The following COL6A6 variants were observed in gnomAD, a reference collection of about 807,000 sequenced individuals.
COL6A6 encodes collagen type VI alpha 6 chain, also known as collagen alpha-6(VI) chain.
Under a neutral mutation model 208.6 loss-of-function variants are expected in COL6A6, and 183 were observed. The observed-to-expected ratio is 0.88, with a 90% CI of 0.78 to 0.99. The LOEUF is 0.99. Among genes scored for constraint, COL6A6 ranks in the 50% least tolerant of loss-of-function variants. The pLI is 0.00. For missense variants in COL6A6, 2,816 were observed against 2,815.2 expected (o/e 1.00, Z -0.01); for synonymous variants, 973 against 1,011.8 (o/e 0.96, Z 0.73).
At chr3:130,551,137 G>A (rs898051608) in intron 1 of COL6A6, among the ~76,000 whole-genome samples, 1 of 149,864 alleles carries the variant, frequency 6.7e-6, no homozygotes, top group African/African-American at 2.4e-5. Context: ...TTTTCTGTGT[G>A]TGTGTATGTC....
rs201325545 is a variant in COL6A6, at chr3:130,661,866, C to T, written c.6060C>T (p.Phe2020=). ...VALLSHAPPD[F]LPNTQKSPVR... ...TATTGAGCCATGCTCCCCCCGACTT[C>T]CTACCCAACACTCAGAAGAGTCCAG... The change falls in exon 35 of 37, where the codon TTC becomes TTT. Residue 2020 remains phenylalanine (F), a synonymous_variant. Coordinates refer to ENST00000358511, the MANE Select transcript of COL6A6 (RefSeq NM_001102608.3). 1,305 of 1,613,966 alleles carry T rather than the reference C, an allele frequency of 8.1e-4. 3 individuals are homozygous for T. Among genetic ancestry groups the T allele is most frequent in the South Asian group, 2.1e-3 (187 of 91,072 alleles).
intron 23 of COL6A6, among the ~76,000 whole-genome samples, chr3:130,614,973 T>C (rs533853206): frequency 3.9e-5 from 6 of 152,222 alleles, no homozygotes; most frequent in Admixed American, 3.9e-4. Context: ...TTTGTTGATC[T>C]TCTGTATGAT....
intron 19 of COL6A6, among the ~76,000 whole-genome samples, chr3:130,599,258 T>C (rs545853301): frequency 3.3e-5 from 5 of 152,358 alleles, no homozygotes; most frequent in Admixed American, 2.0e-4. Flanking sequence ...GACTCATAAA[T>C]TATTGCATAC....
chr3:130,586,358 G>T, intron 10 of COL6A6, 148 bp from the exon 11 acceptor site: 1 of 626,516 alleles, frequency 1.6e-6, no homozygotes, highest in Non-Finnish European at 2.7e-6. Flanking sequence ...CACTTGTCAG[G>T]TTTACATCAT....
At chr3:130,545,232 T>C (rs2062462355) in intron 1 of COL6A6, among the ~76,000 whole-genome samples, 1 of 152,218 alleles carries the variant, frequency 6.6e-6, no homozygotes, top group Admixed American at 6.5e-5. Flanking sequence ...TTTCATTCTT[T>C]TGCATGTGGA....
Position 130,563,258 on chromosome 3 carries a change from AGGCAGGAGCCCCAT to A in COL6A6, c.257_270del (p.Gly86AlafsTer52). ...GTGAATTCCACCTGAGCACCTTCAAAGGCAGGAGCCCCATGCTGAACCACCTAAGGAAGAACTTT... is the reference window on the plus strand; with the variant it reads ...GTGAATTCCACCTGAGCACCTTCAAAGCTGAACCACCTAAGGAAGAACTTT... On this transcript the variant is annotated frameshift_variant, in exon 3 of 37. Transcript: ENST00000358511. LOFTEE classifies it high-confidence loss of function. 6.2e-7 allele frequency: 1 copy of A among 1,614,050 alleles called. No homozygotes were observed. Among genetic ancestry groups the A allele is most frequent in the Non-Finnish European group, 8.5e-7 (1 of 1,179,894 alleles).
chr3:130,541,904 A>C (rs2062372309), intron 1 of COL6A6, among the ~76,000 whole-genome samples: 2 of 152,206 alleles, frequency 1.3e-5, no homozygotes, highest in South Asian at 4.1e-4. Context: ...GTGTCTTTCA[A>C]GGAATTGGTC....
At chr3:130,638,933 A>G (rs1576375750) in intron 28 of COL6A6, among the ~76,000 whole-genome samples, 1 of 152,142 alleles carries the variant, frequency 6.6e-6, no homozygotes, top group Non-Finnish European at 1.5e-5. Context: ...TTTCCTGGGC[A>G]TTAGGTAGGT....
At chr3:130,585,907 C>T (rs2063529502) in intron 10 of COL6A6, among the ~76,000 whole-genome samples, 1 of 152,162 alleles carries the variant, frequency 6.6e-6, no homozygotes, top group South Asian at 2.1e-4. Context: ...CAGGTGATGC[C>T]AGTGCTGCTG....
At chr3:130,656,667 G>C (rs1364396641) in intron 33 of COL6A6, among the ~76,000 whole-genome samples, 1 of 152,196 alleles carries the variant, frequency 6.6e-6, no homozygotes, top group African/African-American at 2.4e-5. Flanking sequence ...TTTCCACACA[G>C]AGGCCTGTCT....
chr3:130,670,948 G>A (rs556546811), intron 36 of COL6A6, among the ~76,000 whole-genome samples: 5 of 152,170 alleles, frequency 3.3e-5, no homozygotes, highest in East Asian at 3.9e-4. Context: ...TTCCAGTGTC[G>A]CCCAGGGAAG....
chr3:130,544,763 A>T (rs1458449324), intron 1 of COL6A6, among the ~76,000 whole-genome samples: 3 of 151,982 alleles, frequency 2.0e-5, no homozygotes, highest in Admixed American at 6.6e-5. Context: ...TGTGGTTTTG[A>T]TTTGCATTTC....
chr3:130,601,085 C>G (rs1050974929), intron 20 of COL6A6, among the ~76,000 whole-genome samples: 7 of 152,096 alleles, frequency 4.6e-5, no homozygotes, highest in African/African-American at 1.7e-4. Context: ...GAAGAGATAA[C>G]TTTAATAAAA....
chr3:130,614,357 G>A lies in COL6A6; in HGVS notation c.4815+3646G>A, dbSNP rs112735742. Among the ~76,000 whole-genome samples, 608 of 152,224 alleles carry A rather than the reference G, an allele frequency of 4.0e-3. 1 individual carries two copies. The highest frequency in any genetic ancestry group is 6.4e-3 in the Non-Finnish European group (436 of 68,008). On this transcript the variant is annotated intron_variant, in intron 23 of 36. Coordinates refer to ENST00000358511, the MANE Select transcript of COL6A6 (RefSeq NM_001102608.3). ...ACCAACCTTGCATCCCAGAGATAAGGCCTACTTGATTGTGGTGAATTAGCT... is the reference window on the plus strand; with the variant it reads ...ACCAACCTTGCATCCCAGAGATAAGACCTACTTGATTGTGGTGAATTAGCT...
chr3:130,624,694 G>A (rs2064832934), intron 24 of COL6A6, among the ~76,000 whole-genome samples: 1 of 152,188 alleles, frequency 6.6e-6, no homozygotes, highest in African/African-American at 2.4e-5. Context: ...GAGCAGGGCA[G>A]TTGTGCCTTA....
In COL6A6 at chr3:130,565,436, G is replaced by T; in HGVS notation, c.1104G>T (p.Glu368Asp). The change falls in exon 4 of 37, where the codon GAG becomes GAT. Residue 368 changes from glutamate (E) to aspartate (D), a missense_variant. By Grantham distance (45) the Glu-to-Asp change is conservative (BLOSUM62 2). Transcript: ENST00000358511. ...TGACCATCTTCACCCTGGGCATAGA[G>T]GGCGCCAGCGACACCCAGTTGGAAA... ...EGVTIFTLGI[E>D]GASDTQLEKI... is the part of the protein sequence containing the mutation. 6.2e-7 allele frequency: 1 copy of T among 1,613,826 alleles called. No individual in the cohort carries two copies. The highest frequency in any genetic ancestry group is 8.5e-7 in the Non-Finnish European group (1 of 1,179,838).
intron 28 of COL6A6, among the ~76,000 whole-genome samples, chr3:130,640,984 C>T (rs1030981244): frequency 6.6e-6 from 1 of 152,190 alleles, no homozygotes; most frequent in African/African-American, 2.4e-5. Context: ...ATGCATATAA[C>T]TTTATAATAG....
chr3:130,531,023 C>T (rs2062070316), intron 1 of COL6A6, among the ~76,000 whole-genome samples: 1 of 46,574 alleles, frequency 2.1e-5, no homozygotes, highest in South Asian at 5.3e-4. Flanking sequence ...TCTACACACA[C>T]ACACACACAC....
chr3:130,667,867 G>A (rs1394649094), intron 36 of COL6A6, among the ~76,000 whole-genome samples: 1 of 151,518 alleles, frequency 6.6e-6, no homozygotes. Context: ...CGGGGATTAG[G>A]CTATTGAAAA....
Sources: allele counts gnomAD v4.1 joint callset (sites outside exome capture counted in the v4.1 genomes callset), GRCh38; gene constraint gnomAD v4.1.1; transcripts MANE v1.5; gene names NCBI Gene and HGNC (gene_info 2026-07-23, HGNC 2026-07-21).